Variants in NRXN3 observed in about 807,000 individuals in gnomAD.
NRXN3 encodes neurexin III.
Under a neutral mutation model 137.6 loss-of-function variants are expected in NRXN3, and 32 were observed. That is an observed-to-expected ratio of 0.23 (90% CI 0.18 to 0.31). The LOEUF is 0.31. NRXN3 is among the 10% of genes least tolerant of loss of function. The pLI is 1.00. For synonymous variants in NRXN3, 798 were observed against 784.5 expected (o/e 1.02, Z -0.29); for missense variants, 1,574 against 2,062.5 (o/e 0.76, Z 4.59).
At chr14:79,569,154 A>AT (rs370528290) in intron 16 of NRXN3, among the ~76,000 whole-genome samples, 10 of 151,450 alleles carry the variant, frequency 6.6e-5, no homozygotes, top group Admixed American at 2.0e-4. Flanking sequence ...GTCTAACTGC[A>AT]TTTTTTTTTC....
chr14:78,234,758 TTA>T (rs2065942685), intron 1 of NRXN3, among the ~76,000 whole-genome samples: 1 of 152,140 alleles, frequency 6.6e-6, no homozygotes, highest in South Asian at 2.1e-4. Context: ...CTATTTTTAT[TTA>T]TTTATCTGTA....
rs11846579 is a variant in NRXN3, at chr14:79,629,845, G to A, written c.3445-33933G>A. ...TGTGTGCGTGTGTGTGTGTGTGTGC[G>A]TGTGTGTGTGTTATGCACAGTGGCT... On this transcript the variant is annotated intron_variant, in intron 16 of 20. Coordinates refer to ENST00000335750, the MANE Select transcript of NRXN3 (RefSeq NM_001330195.2). Among the ~76,000 whole-genome samples, 858 of 142,318 alleles carry A rather than the reference G, an allele frequency of 6.0e-3. 4 individuals carry two copies. Among genetic ancestry groups the A allele is most frequent in the African/African-American group, 0.025 (814 of 32,654 alleles). The allele number at this position is 142,318 out of a possible 152,430, so 93.4% of individuals were successfully genotyped here. A position where few individuals can be genotyped will look rare whatever the true frequency, so the allele number is the denominator to read the frequency against.
chr14:78,815,216 A>G (rs1418792907), intron 10 of NRXN3, among the ~76,000 whole-genome samples: 1 of 152,212 alleles, frequency 6.6e-6, no homozygotes, highest in East Asian at 1.9e-4. Context: ...AGGAGAAAGG[A>G]AGTAGTGTGC....
chr14:78,871,147 T>G (rs1485176979), intron 10 of NRXN3, among the ~76,000 whole-genome samples: 2 of 150,638 alleles, frequency 1.3e-5, no homozygotes, highest in Non-Finnish European at 3.0e-5. Flanking sequence ...CGTGCTGTTC[T>G]CTATAGTGGC....
At chr14:78,818,791 A>G (rs1045240298) in intron 10 of NRXN3, among the ~76,000 whole-genome samples, 1 of 152,096 alleles carries the variant, frequency 6.6e-6, no homozygotes, top group African/African-American at 2.4e-5. Flanking sequence ...ATGTAGGAGG[A>G]ATTCTCATAG....
At chr14:79,633,887 T>A (rs1278824746) in intron 16 of NRXN3, among the ~76,000 whole-genome samples, 1 of 152,092 alleles carries the variant, frequency 6.6e-6, no homozygotes. Flanking sequence ...CTACCAAAAC[T>A]CTAAGCATTC....
At chr14:78,246,501 C>T (rs951982429) in intron 2 of NRXN3, among the ~76,000 whole-genome samples, 8 of 152,032 alleles carry the variant, frequency 5.3e-5, no homozygotes, top group Admixed American at 3.9e-4. Context: ...AATAAACTGC[C>T]GTAACAGTAA....
At chr14:79,031,528 AC>A (rs1457607810) in intron 15 of NRXN3, among the ~76,000 whole-genome samples, 3 of 152,140 alleles carry the variant, frequency 2.0e-5, no homozygotes, top group African/African-American at 7.2e-5. Flanking sequence ...GAATTTCGAA[AC>A]AAAATGAGGG....
intron 15 of NRXN3, among the ~76,000 whole-genome samples, chr14:79,431,505 G>C (rs1250501279): frequency 6.6e-6 from 1 of 152,026 alleles, no homozygotes; most frequent in African/African-American, 2.4e-5. Flanking sequence ...AAAATTCAAT[G>C]TTTTATACTT....
chr14:79,425,051 A>G lies in NRXN3; in HGVS notation c.3263-42170A>G, dbSNP rs140309551. On this transcript the variant is annotated intron_variant, in intron 15 of 20. Transcript: ENST00000335750. ...CATCAGAAGTCTCCCTTGAGATTTC[A>G]TAAATGCCATAGCTTAGGGGTTAAA... Among the ~76,000 whole-genome samples the G allele has an allele frequency of 4.5e-4, 69 of 152,356 alleles. No individual in the cohort carries two copies. The East Asian group carries it at 0.013, about 28-fold the overall frequency.
At chr14:78,631,309 C>A (rs1851549262) in intron 4 of NRXN3, among the ~76,000 whole-genome samples, 1 of 152,136 alleles carries the variant, frequency 6.6e-6, no homozygotes, top group Admixed American at 6.5e-5. Context: ...ACCAAGTATT[C>A]TTGCTTTTCT....
At chr14:79,147,829 A>T (rs1291548197) in intron 15 of NRXN3, among the ~76,000 whole-genome samples, 2 of 152,142 alleles carry the variant, frequency 1.3e-5, no homozygotes, top group East Asian at 3.9e-4. Context: ...GTGGACTCTG[A>T]GAAACTTCAC....
intron 15 of NRXN3, among the ~76,000 whole-genome samples, chr14:79,208,050 GA>G (rs2067058354): frequency 6.6e-6 from 1 of 152,064 alleles, no homozygotes; most frequent in African/African-American, 2.4e-5. Flanking sequence ...GGGACAAGGT[GA>G]TTGTTCCATA....
intron 10 of NRXN3, among the ~76,000 whole-genome samples, chr14:78,884,512 A>G (rs1270738248): frequency 6.6e-6 from 1 of 152,098 alleles, no homozygotes; most frequent in Non-Finnish European, 1.5e-5. Context: ...TAGGATTACT[A>G]TATATTTTGT....
chr14:79,421,909 C>G (rs759342961), intron 15 of NRXN3, among the ~76,000 whole-genome samples: 1 of 152,152 alleles, frequency 6.6e-6, no homozygotes, highest in African/African-American at 2.4e-5. Flanking sequence ...TTCAGTAAAA[C>G]TTCTAGAGCA....
At chr14:78,215,880 G>A (rs1042672105) in intron 1 of NRXN3, among the ~76,000 whole-genome samples, 2 of 152,156 alleles carry the variant, frequency 1.3e-5, no homozygotes, top group African/African-American at 4.8e-5. Flanking sequence ...CTTCTTAAGG[G>A]CATCCCTCCC....
chr14:78,194,129 C>T (rs1420839252), intron 1 of NRXN3, among the ~76,000 whole-genome samples: 3 of 152,164 alleles, frequency 2.0e-5, no homozygotes, highest in East Asian at 3.9e-4. Flanking sequence ...CTTCCATCTG[C>T]ATGAAAAGGA....
In NRXN3 at chr14:78,840,658, C is replaced by G. The variant is rs1010400924; in HGVS notation, c.2275+30314C>G. On this transcript the variant is annotated intron_variant, in intron 10 of 20. Transcript: ENST00000335750. ...ACTATCCAGAATGTTGCTCGTCACC[C>G]TGGAAGCAGGAAGGAAATCAGGTGA... Among the ~76,000 whole-genome samples, 3 of 152,098 alleles carry G rather than the reference C, an allele frequency of 2.0e-5. No homozygotes were observed. In the South Asian group the frequency reaches 6.2e-4, roughly 32 times the overall value.
chr14:79,831,140 G>T (rs924886180), intron 20 of NRXN3, among the ~76,000 whole-genome samples: 4 of 152,090 alleles, frequency 2.6e-5, no homozygotes, highest in African/African-American at 9.7e-5. Flanking sequence ...GGAAATTGGG[G>T]GTGATGAGAG....
Sources: gnomAD v4.1 joint callset for allele counts (sites outside exome capture counted in the v4.1 genomes callset) on GRCh38, gnomAD v4.1.1 for gene constraint, MANE v1.5 for transcripts, NCBI Gene and HGNC (gene_info 2026-07-23, HGNC 2026-07-21) for gene names.